SYN2: variants seen among roughly 807,000 people sequenced by gnomAD.
The protein encoded by SYN2 is synapsin-2.
SYN2 carries 19 observed loss-of-function variants against 50.9 expected under a neutral mutation model. The observed-to-expected ratio is 0.37, with a 90% CI of 0.26 to 0.55. The LOEUF is 0.55. Ranked by LOEUF, SYN2 falls within the 20% of genes least tolerant of loss-of-function variation. The probability of loss-of-function intolerance (pLI) is 0.81; values close to 1 mark genes in which losing one functional copy is unlikely to be tolerated. For synonymous variants in SYN2, 255 were observed against 224.9 expected, an observed-to-expected ratio of 1.13 and a Z score of -1.20; for missense variants, 587 against 576.4, an observed-to-expected ratio of 1.02 and a Z score of -0.19.
rs2124836594 is a variant in SYN2, at chr3:12,184,771, C to T, written c.1369+1399C>T. 6 of 985,948 alleles carry T rather than the reference C, an allele frequency of 6.1e-6. No homozygotes were observed. In the South Asian group the frequency reaches 1.9e-4, roughly 31 times the overall value. The allele number at this position is 985,948 out of a possible 1,614,324, so 61.1% of individuals were successfully genotyped here. A position where few individuals can be genotyped will look rare whatever the true frequency, so the allele number is the denominator to read the frequency against. On this transcript the variant is annotated intron_variant, in intron 11 of 12. Coordinates refer to ENST00000621198, the MANE Select transcript of SYN2 (RefSeq NM_133625.6). ...TGAGGCAGTTCATTAAACCAGGCCT[C>T]AGCTTCAGTGCCTCATCTTGCCATC...
chr3:12,080,542 C>T (rs1695564514), intron 1 of SYN2, among the ~76,000 whole-genome samples: 1 of 152,024 alleles, frequency 6.6e-6, no homozygotes, highest in Non-Finnish European at 1.5e-5. Context: ...TTGATTTCTG[C>T]CTTAATTTTA....
At chr3:12,008,763 T>C (rs1302148579) in intron 1 of SYN2, among the ~76,000 whole-genome samples, 1 of 151,962 alleles carries the variant, frequency 6.6e-6, no homozygotes, top group Non-Finnish European at 1.5e-5. Context: ...TGGGCTAGAG[T>C]GGGAATGGAA....
chr3:12,034,914 A>G (rs142483396), intron 1 of SYN2, among the ~76,000 whole-genome samples: 3 of 152,264 alleles, frequency 2.0e-5, no homozygotes, highest in Admixed American at 6.5e-5. Context: ...TTCCACATCA[A>G]CTCAAAAGTC....
chr3:12,059,058 A>C (rs548113703), intron 1 of SYN2, among the ~76,000 whole-genome samples: 14 of 152,330 alleles, frequency 9.2e-5, no homozygotes, highest in Admixed American at 5.2e-4. Context: ...TATAGAACTG[A>C]ACTGGGGTCT....
At chr3:12,082,716 T>C (rs185651943) in intron 1 of SYN2, among the ~76,000 whole-genome samples, 13 of 152,316 alleles carry the variant, frequency 8.5e-5, no homozygotes, top group Admixed American at 8.5e-4. Context: ...TATAATCCCT[T>C]GATATATATT....
chr3:12,073,629 A>G (rs968496287), intron 1 of SYN2, among the ~76,000 whole-genome samples: 13 of 152,294 alleles, frequency 8.5e-5, no homozygotes, highest in South Asian at 6.2e-4. Flanking sequence ...AAAGTTAACT[A>G]TTTGTGTTCA....
At chr3:12,176,435 G>A (rs1309292246) in intron 10 of SYN2, among the ~76,000 whole-genome samples, 1 of 152,202 alleles carries the variant, frequency 6.6e-6, no homozygotes, top group Non-Finnish European at 1.5e-5. Context: ...GGTGGGAACT[G>A]GTCTCTCTTC....
intron 1 of SYN2, among the ~76,000 whole-genome samples, chr3:12,042,197 T>G (rs1694632386): frequency 6.6e-6 from 1 of 152,214 alleles, no homozygotes; most frequent in Admixed American, 6.5e-5. Context: ...CATTGCAAGT[T>G]TTGTAAATAA....
intron 1 of SYN2, among the ~76,000 whole-genome samples, chr3:12,049,460 A>C (rs1024974522): frequency 6.6e-6 from 1 of 152,142 alleles, no homozygotes; most frequent in African/African-American, 2.4e-5. Flanking sequence ...CGGAGGCTGC[A>C]GTGAGCCAAC....
At chr3:12,047,760 CAG>C (rs1258327621) in intron 1 of SYN2, among the ~76,000 whole-genome samples, 9 of 152,110 alleles carry the variant, frequency 5.9e-5, no homozygotes, top group South Asian at 2.1e-4. Flanking sequence ...TTTGTTAAAA[CAG>C]AGATCACTTC....
At chr3:12,084,118 C>G (rs146763191) in intron 1 of SYN2, among the ~76,000 whole-genome samples, 3 of 152,280 alleles carry the variant, frequency 2.0e-5, no homozygotes, top group Non-Finnish European at 4.4e-5. Context: ...TGAGTTAAGC[C>G]ATTTAATCAC....
intron 4 of SYN2, 132 bp from the exon 5 acceptor site, chr3:12,151,104 CT>C: frequency 1.5e-6 from 1 of 649,388 alleles, no homozygotes; most frequent in Non-Finnish European, 2.7e-6. Context: ...TTGTACACTT[CT>C]TTTATATCCT....
chr3:12,079,322 G>C (rs1695537944), intron 1 of SYN2, among the ~76,000 whole-genome samples: 1 of 152,136 alleles, frequency 6.6e-6, no homozygotes, highest in Admixed American at 6.6e-5. Flanking sequence ...GCCCTGGCCA[G>C]AACTTTCAAT....
intron 1 of SYN2, among the ~76,000 whole-genome samples, chr3:12,034,855 A>G (rs964407422): frequency 1.3e-5 from 2 of 152,158 alleles, no homozygotes; most frequent in African/African-American, 4.8e-5. Flanking sequence ...CCCTTCTCAC[A>G]TGCAAAATAT....
intron 5 of SYN2, chr3:12,153,448 C>G: frequency 6.3e-7 from 1 of 1,582,606 alleles, no homozygotes; most frequent in Non-Finnish European, 8.7e-7. Flanking sequence ...GGCCAAAGCT[C>G]TGCAGGGAAG....
intron 1 of SYN2, among the ~76,000 whole-genome samples, chr3:12,038,666 G>T (rs1209056579): frequency 1.3e-5 from 2 of 151,866 alleles, no homozygotes; most frequent in Admixed American, 1.3e-4. Context: ...TCTTTTTGAT[G>T]CTGTTGTAAA....
chr3:12,044,267 A>G (rs1408165584), intron 1 of SYN2, among the ~76,000 whole-genome samples: 1 of 152,022 alleles, frequency 6.6e-6, no homozygotes, highest in Non-Finnish European at 1.5e-5. Context: ...TAAGACATGA[A>G]CATGAATAGC....
intron 7 of SYN2, chr3:12,165,387 T>G (rs960650683): frequency 6.6e-6 from 1 of 152,232 alleles, no homozygotes; most frequent in African/African-American, 2.4e-5. Flanking sequence ...GTTCTACTAC[T>G]GAGACTTCTC....
intron 1 of SYN2, among the ~76,000 whole-genome samples, chr3:12,078,283 T>C (rs1695513930): frequency 6.6e-6 from 1 of 152,234 alleles, no homozygotes; most frequent in African/African-American, 2.4e-5. Context: ...ACAGTGATTA[T>C]AGTTTTTTGC....
Sources: allele counts gnomAD v4.1 joint callset (sites outside exome capture counted in the v4.1 genomes callset), GRCh38; gene constraint gnomAD v4.1.1; transcripts MANE v1.5; gene names NCBI Gene and HGNC (gene_info 2026-07-23, HGNC 2026-07-21).